NFIC: variants seen among roughly 807,000 people sequenced by gnomAD.
The protein encoded by NFIC is nuclear factor 1 C-type.
A neutral mutation model predicts 54.4 loss-of-function variants in NFIC; 12 were observed. The ratio of observed to expected loss-of-function variants is 0.22; its 90% CI spans 0.14 to 0.36. NFIC has a LOEUF of 0.36. Among genes scored for constraint, NFIC ranks in the 10% least tolerant of loss-of-function variants. The pLI, the probability that NFIC is intolerant of heterozygous loss-of-function variation, is 1.00. For missense variants in NFIC, 575 were observed against 718.2 expected (o/e 0.80, Z 2.28); for synonymous variants, 322 against 319.2 (o/e 1.01, Z -0.09).
chr19:3,413,610 G>A (rs1458254740), intron 2 of NFIC, among the ~76,000 whole-genome samples: 2 of 152,048 alleles, frequency 1.3e-5, no homozygotes, highest in Non-Finnish European at 1.5e-5. Context: ...ATTTGCAGCC[G>A]AACCTAGTCA....
intron 10 of NFIC, among the ~76,000 whole-genome samples, chr19:3,462,401 TA>T: frequency 6.6e-6 from 1 of 152,190 alleles, no homozygotes; most frequent in East Asian, 1.9e-4. Context: ...AAATAATAAA[TA>T]AAATATAAAA....
At chr19:3,389,780 C>T (rs1373785380) in intron 2 of NFIC, among the ~76,000 whole-genome samples, 4 of 152,120 alleles carry the variant, frequency 2.6e-5, no homozygotes, top group South Asian at 2.1e-4. Flanking sequence ...GTCGGGAGTT[C>T]GAGACCAGCC....
Position 3,454,200 on chromosome 19 carries a change from G to C in NFIC, c.1423+284G>C, listed in dbSNP as rs113858448. 4.5e-3 allele frequency: 5,523 copies of C among 1,235,538 alleles called. 24 individuals are homozygous for C. Among genetic ancestry groups the C allele is most frequent in the Non-Finnish European group, 5.2e-3 (5,150 of 989,794 alleles). The allele number at this position is 1,235,538 out of a possible 1,614,324, so 76.5% of individuals were successfully genotyped here. On this transcript the variant is annotated intron_variant, in intron 9 of 10. Coordinates refer to ENST00000443272, the MANE Select transcript of NFIC (RefSeq NM_001245002.2). ...CCCCGGTGCCCGCCGTGGGCCGTCA[G>C]AAACCCTCCCTGGTATGTCAGGCAG...
chr19:3,365,006 C>A (rs1171395849), upstream of NFIC, among the ~76,000 whole-genome samples: 1 of 152,146 alleles, frequency 6.6e-6, no homozygotes, highest in Non-Finnish European at 1.5e-5. Context: ...ATGGACCGTT[C>A]GTGATGTACT....
Position 3,449,470 on chromosome 19 carries a change from G to A in NFIC, c.1084+331G>A, listed in dbSNP as rs147510096. ...TGATGGACAGGCAGGATCAGAAGCT[G>A]CCAATGAGGCCAGGCACAGTGGCTC... On this transcript the variant is annotated intron_variant, in intron 7 of 10. Coordinates refer to ENST00000443272, the MANE Select transcript of NFIC (RefSeq NM_001245002.2). Among the ~76,000 whole-genome samples, 71 of 152,122 alleles carry A rather than the reference G, an allele frequency of 4.7e-4. 2 individuals are homozygous for A. In the East Asian group the frequency reaches 0.011, roughly 23 times the overall value.
intron 1 of NFIC, among the ~76,000 whole-genome samples, chr19:3,377,155 C>T (rs1568404185): frequency 4.7e-5 from 7 of 150,154 alleles, no homozygotes; most frequent in Admixed American, 3.4e-4. Context: ...AGTGAACCCC[C>T]GTCTCTACTA....
In NFIC at chr19:3,463,332, TG is replaced by T. The variant is rs1210892695; in HGVS notation, c.*569del. The T allele has an allele frequency of 1.0e-6, 1 of 985,334 alleles. No homozygotes were observed. The highest frequency in any genetic ancestry group is 1.2e-6 in the Non-Finnish European group (1 of 830,586). 61.0% of individuals were successfully genotyped at this position (985,334 alleles called of 1,614,324 possible). A position where few individuals can be genotyped will look rare whatever the true frequency, so the allele number is the denominator to read the frequency against. ...CAGCCCCCACCGAGGACGCAGCCAC[TG>T]GGGGGAAAGGGAGACACAGCGGACC... is the stretch of plus-strand genomic sequence containing the variant. On this transcript the variant is annotated 3_prime_UTR_variant, in exon 11 of 11. Coordinates refer to ENST00000443272, the MANE Select transcript of NFIC (RefSeq NM_001245002.2).
At chr19:3,431,360 C>CTT (rs71164702) in intron 3 of NFIC, among the ~76,000 whole-genome samples, 57 of 84,162 alleles carry the variant, frequency 6.8e-4, no homozygotes, top group African/African-American at 9.5e-4. Context: ...TTTCCTTCTT[C>CTT]TTTTTTTTTT....
At chr19:3,407,659 C>T (rs893114613) in intron 2 of NFIC, among the ~76,000 whole-genome samples, 7 of 151,794 alleles carry the variant, frequency 4.6e-5, no homozygotes, top group Non-Finnish European at 1.0e-4. Context: ...TGAGCTGGAA[C>T]TCCTGACCTT....
intron 2 of NFIC, among the ~76,000 whole-genome samples, chr19:3,400,578 C>A (rs1004148902): frequency 6.6e-6 from 1 of 152,166 alleles, no homozygotes; most frequent in African/African-American, 2.4e-5. Flanking sequence ...CGGTGGCTCA[C>A]GCCTGTCATC....
At chr19:3,398,724 C>T (rs955821426) in intron 2 of NFIC, among the ~76,000 whole-genome samples, 2 of 152,156 alleles carry the variant, frequency 1.3e-5, no homozygotes, top group East Asian at 3.9e-4. Flanking sequence ...AGGTTGCTGC[C>T]GGATGGACAA....
intron 2 of NFIC, among the ~76,000 whole-genome samples, chr19:3,389,246 G>A (rs1025546185): frequency 2.0e-5 from 3 of 152,174 alleles, no homozygotes; most frequent in Non-Finnish European, 2.9e-5. Flanking sequence ...GATGGCAGGA[G>A]AAAGGGTCTC....
intron 2 of NFIC, among the ~76,000 whole-genome samples, chr19:3,418,222 C>T (rs1272159107): frequency 6.6e-6 from 1 of 151,722 alleles, no homozygotes; most frequent in Admixed American, 6.6e-5. Flanking sequence ...CCTCAGCTCC[C>T]CGAGTAGCTG....
chr19:3,366,568 T>TGGGGGGGGCGGGGGGGG (rs2080888762), upstream of NFIC: 1 of 968,638 alleles, frequency 1.0e-6, no homozygotes, highest in Non-Finnish European at 1.5e-6. Context: ...GGGGGGTGGT[T>TGGGGGGGGCGGGGGGGG]TGGAAAAATG....
chr19:3,463,770 T>C lies in NFIC; in HGVS notation c.*1001T>C. 2 of 985,180 alleles carry C rather than the reference T, an allele frequency of 2.0e-6. No individual in the cohort carries two copies. Among genetic ancestry groups the C allele is most frequent in the Non-Finnish European group, 2.4e-6 (2 of 829,958 alleles). The allele number at this position is 985,180 out of a possible 1,614,324, so 61.0% of individuals were successfully genotyped here. ...GCCCGGACACCCAGAGCTCCCCGAG[T>C]TGGGGGTGCCCGTCTGGAGCGCCCC... On this transcript the variant is annotated 3_prime_UTR_variant, in exon 11 of 11. Coordinates refer to ENST00000443272, the MANE Select transcript of NFIC (RefSeq NM_001245002.2).
chr19:3,360,038 C>T (rs1385780287), intron 1 of NFIC, among the ~76,000 whole-genome samples: 2 of 148,896 alleles, frequency 1.3e-5, no homozygotes, highest in Non-Finnish European at 3.0e-5. Context: ...CGGGAGGGCG[C>T]GGCCCTGGGC....
chr19:3,444,695 T>G (rs2082345792), intron 6 of NFIC, among the ~76,000 whole-genome samples: 1 of 152,190 alleles, frequency 6.6e-6, no homozygotes, highest in Non-Finnish European at 1.5e-5. Context: ...GCCAGACTAT[T>G]TCCATCCAGG....
chr19:3,457,000 G>A (rs939124972), intron 10 of NFIC, among the ~76,000 whole-genome samples: 2 of 152,160 alleles, frequency 1.3e-5, no homozygotes, highest in African/African-American at 4.8e-5. Flanking sequence ...GGGTCACACA[G>A]TGCATCACCC....
chr19:3,421,397 C>T (rs977169344), intron 2 of NFIC, among the ~76,000 whole-genome samples: 11 of 152,216 alleles, frequency 7.2e-5, no homozygotes, highest in Non-Finnish European at 1.2e-4. Context: ...TCATGGCCAC[C>T]GGTGCCCAGC....
Sources: gnomAD v4.1 joint callset for allele counts (sites outside exome capture counted in the v4.1 genomes callset) on GRCh38, gnomAD v4.1.1 for gene constraint, MANE v1.5 for transcripts, NCBI Gene and HGNC (gene_info 2026-07-23, HGNC 2026-07-21) for gene names.